IGSF11: variants seen among roughly 807,000 people sequenced by gnomAD.
IGSF11 encodes the protein CXADR like 1.
A neutral mutation model predicts 41.0 loss-of-function variants in IGSF11; 22 were observed. The observed-to-expected ratio is 0.54, with a 90% CI of 0.38 to 0.77. The LOEUF (loss-of-function observed/expected upper bound fraction) is 0.77. Among genes scored for constraint, IGSF11 ranks in the 30% least tolerant of loss-of-function variants. The pLI is 0.00. For missense variants in IGSF11, 444 were observed against 530.8 expected, an observed-to-expected ratio of 0.84 and a Z score of 1.61; for synonymous variants, 219 against 201.3, an observed-to-expected ratio of 1.09 and a Z score of -0.74.
chr3:118,935,300 A>T (rs1419938381), intron 1 of IGSF11, among the ~76,000 whole-genome samples: 1 of 107,060 alleles, frequency 9.3e-6, no homozygotes, highest in Non-Finnish European at 1.8e-5. Context: ...GGGTGTATAT[A>T]CATATATATA....
intron 1 of IGSF11, among the ~76,000 whole-genome samples, chr3:118,965,218 C>G (rs1442282100): frequency 6.6e-6 from 1 of 152,002 alleles, no homozygotes; most frequent in Admixed American, 6.6e-5. Context: ...AGATCAGGAG[C>G]CTTCAATTTA....
intron 1 of IGSF11, among the ~76,000 whole-genome samples, chr3:118,993,614 T>C (rs777500362): frequency 6.6e-6 from 1 of 152,190 alleles, no homozygotes; most frequent in Non-Finnish European, 1.5e-5. Flanking sequence ...CAAATGTCCA[T>C]CAACTGATGA....
intron 1 of IGSF11, among the ~76,000 whole-genome samples, chr3:119,115,387 T>A (rs1019901587): frequency 6.6e-6 from 1 of 152,348 alleles, no homozygotes; most frequent in South Asian, 2.1e-4. Flanking sequence ...GGGTTCCCTT[T>A]TCCTCACATC....
chr3:119,076,746 A>G (rs1440603060), intron 1 of IGSF11, among the ~76,000 whole-genome samples: 2 of 152,206 alleles, frequency 1.3e-5, no homozygotes, highest in Non-Finnish European at 2.9e-5. Flanking sequence ...GGCGATCATT[A>G]AAAAGTCAGG....
At chr3:119,039,183 T>A (rs1329552329), upstream of IGSF11, among the ~76,000 whole-genome samples, 1 of 152,180 alleles carries the variant, frequency 6.6e-6, no homozygotes, top group African/African-American at 2.4e-5. Flanking sequence ...ACAAACTTGG[T>A]GGCGTAAAAC....
At chr3:118,982,552 G>C (rs1934840936) in intron 1 of IGSF11, among the ~76,000 whole-genome samples, 1 of 152,090 alleles carries the variant, frequency 6.6e-6, no homozygotes, top group Admixed American at 6.5e-5. Flanking sequence ...ACAATAAAAA[G>C]AAGGACAAAG....
chr3:119,034,434 C>T (rs1940730986), intron 1 of IGSF11, 97 bp downstream of exon 1: 1 of 1,217,114 alleles, frequency 8.2e-7, no homozygotes, highest in Non-Finnish European at 1.1e-6. Flanking sequence ...CGACCCTCGG[C>T]AAAGCAAGGA....
intron 1 of IGSF11, among the ~76,000 whole-genome samples, chr3:118,959,216 C>T (rs1945167497): frequency 6.6e-6 from 1 of 152,234 alleles, no homozygotes; most frequent in Admixed American, 6.5e-5. Context: ...TATGATGCTC[C>T]CTGCCACGAA....
rs753383204 is a variant in IGSF11, at chr3:119,054,989, G to A, written c.49+50155C>T. The stretch of plus-strand genomic sequence containing the variant: ...CTCCTCTGAGACAAAACTTTCAGAG[G>A]AACAATCAGGCAGCAGCATTGGCGG... On this transcript the variant is annotated intron_variant, in intron 1 of 6. Transcript: ENST00000354673. Among the ~76,000 whole-genome samples, 163 of 152,290 alleles carry A rather than the reference G, an allele frequency of 1.1e-3. No homozygotes were observed. The Middle Eastern group carries it at 0.014, about 13-fold the overall frequency.
At chr3:119,062,282 T>A (rs1188161802) in intron 1 of IGSF11, among the ~76,000 whole-genome samples, 2 of 152,182 alleles carry the variant, frequency 1.3e-5, no homozygotes, top group Non-Finnish European at 2.9e-5. Context: ...TAAGAAAATA[T>A]TTGAATTTAA....
chr3:118,973,263 TG>T (rs1251384625), intron 1 of IGSF11, among the ~76,000 whole-genome samples: 1 of 152,188 alleles, frequency 6.6e-6, no homozygotes, highest in African/African-American at 2.4e-5. Flanking sequence ...CAGAACAGAA[TG>T]GAGCATGGAC....
At chr3:118,956,941 C>T (rs571717930) in intron 1 of IGSF11, among the ~76,000 whole-genome samples, 2 of 152,074 alleles carry the variant, frequency 1.3e-5, no homozygotes, top group South Asian at 4.2e-4. Flanking sequence ...CAAGGTATGC[C>T]TCTGTGAGTG....
chr3:118,989,606 G>C (rs981541161), intron 1 of IGSF11, among the ~76,000 whole-genome samples: 1 of 151,924 alleles, frequency 6.6e-6, no homozygotes, highest in East Asian at 1.9e-4. Flanking sequence ...TGCCCGCCTC[G>C]GCCTCCCAAA....
At chr3:119,105,918 T>C (rs2077015274), upstream of IGSF11, among the ~76,000 whole-genome samples, 2 of 152,316 alleles carry the variant, frequency 1.3e-5, no homozygotes, top group South Asian at 4.1e-4. Context: ...TATACTCCCC[T>C]TGAACCCCAA....
At chr3:118,975,442 A>C (rs2107625798) in intron 1 of IGSF11, among the ~76,000 whole-genome samples, 1 of 152,254 alleles carries the variant, frequency 6.6e-6, no homozygotes, top group East Asian at 1.9e-4. Context: ...ACAAACCTGA[A>C]CTATAATCTC....
Position 119,084,150 on chromosome 3 carries a change from C to T in IGSF11, c.49+20994G>A, listed in dbSNP as rs117076421. 3.3e-3 allele frequency among the ~76,000 whole-genome samples: 504 copies of T among 152,136 alleles called. 19 individuals carry two copies. The East Asian group carries it at 0.075, about 23-fold the overall frequency. On this transcript the variant is annotated intron_variant, in intron 1 of 6. Transcript: ENST00000354673. ...GACAACTAGATACAGCCAGGAAGTG[C>T]TGCTCCTACAGAGAAAGACAAGGAT... is the stretch of plus-strand genomic sequence containing the variant.
At chr3:119,081,249 A>G (rs2076581867) in intron 1 of IGSF11, among the ~76,000 whole-genome samples, 2 of 150,876 alleles carry the variant, frequency 1.3e-5, no homozygotes, top group Admixed American at 6.6e-5. Flanking sequence ...TCTGTCTTTC[A>G]CTTCTATTTT....
At chr3:118,910,671 T>C (rs1940164623) in intron 4 of IGSF11, among the ~76,000 whole-genome samples, 1 of 152,180 alleles carries the variant, frequency 6.6e-6, no homozygotes, top group Non-Finnish European at 1.5e-5. Context: ...ATAAAGCCTT[T>C]CACAATCTGG....
rs373406667 is a variant in IGSF11, at chr3:119,143,614, A to G, written c.-14+2199T>C. Among the ~76,000 whole-genome samples the G allele has an allele frequency of 2.6e-5, 4 of 152,332 alleles. No individual in the cohort carries two copies. The East Asian group carries it at 7.7e-4, about 29-fold the overall frequency. On this transcript the variant is annotated intron_variant, in intron 1 of 7. Coordinates refer to the IGSF11 transcript ENST00000425327. ...AGCAAAATGACAGAAGTCCTTCCAT[A>G]GCAGTAATTACTTTAAATGTAGATG...
Sources: allele counts gnomAD v4.1 joint callset (sites outside exome capture counted in the v4.1 genomes callset), GRCh38; gene constraint gnomAD v4.1.1; transcripts MANE v1.5; gene names NCBI Gene and HGNC (gene_info 2026-07-23, HGNC 2026-07-21).